The following ADCY10 variants were observed in gnomAD, a reference collection of about 807,000 sequenced individuals.
ADCY10 encodes adenylate cyclase 10.
ADCY10 carries 156 observed loss-of-function variants against 183.3 expected under a neutral mutation model. The ratio of observed to expected loss-of-function variants is 0.85; its 90% CI spans 0.75 to 0.97. The LOEUF (loss-of-function observed/expected upper bound fraction) is 0.97, where lower values mean the gene tolerates loss of function less well. Among genes scored for constraint, ADCY10 ranks in the 50% least tolerant of loss-of-function variants. The probability of loss-of-function intolerance (pLI) is 0.00; values close to 1 mark genes in which losing one functional copy is unlikely to be tolerated. For missense variants in ADCY10, 1,745 were observed against 1,934.3 expected (o/e 0.90, Z 1.84); for synonymous variants, 645 against 670.0 (o/e 0.96, Z 0.58).
chr1:167,902,219 T>C (rs1669482479), intron 3 of ADCY10, among the ~76,000 whole-genome samples, 165 bp from the exon 4 acceptor site: 1 of 152,130 alleles, frequency 6.6e-6, no homozygotes, highest in South Asian at 2.1e-4. Flanking sequence ...CCCATTTGAG[T>C]CTGTTTCCTC....
intron 30 of ADCY10, among the ~76,000 whole-genome samples, chr1:167,819,319 C>T (rs1373374867): frequency 6.8e-6 from 1 of 146,558 alleles, no homozygotes; most frequent in Non-Finnish European, 1.5e-5. Flanking sequence ...GGCACGATCT[C>T]AGCCCACTGC....
At chr1:167,851,462 T>C (rs1485439765) in intron 18 of ADCY10, among the ~76,000 whole-genome samples, 2 of 152,156 alleles carry the variant, frequency 1.3e-5, no homozygotes, top group African/African-American at 2.4e-5. Context: ...ACTGGGATTA[T>C]AGGTGTGGGC....
chr1:167,902,167 A>G (rs1320257063), intron 3 of ADCY10, 113 bp from the exon 4 acceptor site: 10 of 1,053,430 alleles, frequency 9.5e-6, no homozygotes, highest in Non-Finnish European at 1.4e-5. Context: ...GATTCAGAGA[A>G]TAGGCTTATA....
intron 30 of ADCY10, 46 bp from the exon 31 acceptor site, chr1:167,818,313 G>A: frequency 1.3e-6 from 2 of 1,542,496 alleles, no homozygotes; most frequent in Admixed American, 3.3e-5. Flanking sequence ...CACCCATTAG[G>A]AATAGGCTGG....
chr1:167,856,250 C>A lies in ADCY10; in HGVS notation c.2086G>T (p.Val696Phe). The A allele has an allele frequency of 6.2e-7, 1 of 1,613,862 alleles. No individual in the cohort carries two copies. The highest frequency in any genetic ancestry group is 1.7e-5 in the Admixed American group (1 of 59,994). ...TCGTTAGGCTGTACTGCACCAATGA[C>A]AATGTAGGTGGTGTTCCTGTTCTTT... ...VIKNRNTTYI[V>F]IGAVQPNDIS... The change falls in exon 17 of 33, where the codon GTC becomes TTC. Residue 696 changes from valine (V) to phenylalanine (F), a missense_variant. Val to Phe is a conservative substitution (Grantham distance 50). Transcript: ENST00000367851.
At chr1:167,872,776 G>A (rs1158268589) in intron 13 of ADCY10, among the ~76,000 whole-genome samples, 2 of 149,250 alleles carry the variant, frequency 1.3e-5, no homozygotes, top group Non-Finnish European at 3.0e-5. Context: ...ATCAGACTGA[G>A]AAATATACAC....
Position 167,823,001 on chromosome 1 carries a change from C to A in ADCY10, c.4168+7G>T, listed in dbSNP as rs1397879452. The A allele has an allele frequency of 6.2e-7, 1 of 1,613,056 alleles. No individual in the cohort carries two copies. The highest frequency in any genetic ancestry group is 1.3e-5 in the African/African-American group (1 of 75,012). On this transcript the variant is annotated splice_region_variant and intron_variant, in intron 29 of 32. Coordinates refer to ENST00000367851, the MANE Select transcript of ADCY10 (RefSeq NM_018417.6). ...CAAGTTCTTTTACATCCCAAACCCA[C>A]ACTTACCAGAATAAAGCAGGATGTC... is the stretch of plus-strand genomic sequence containing the variant.
chr1:167,870,210 T>A, intron 14 of ADCY10, 47 bp downstream of exon 14: 2 of 1,609,710 alleles, frequency 1.2e-6, no homozygotes, highest in Non-Finnish European at 1.7e-6. Flanking sequence ...TCAAAATAAA[T>A]CAGGATTCTA....
intron 23 of ADCY10, among the ~76,000 whole-genome samples, chr1:167,835,215 C>A (rs1664106040): frequency 6.6e-6 from 1 of 152,146 alleles, no homozygotes; most frequent in South Asian, 2.1e-4. Context: ...CAGCCAGCTG[C>A]TCCATGAAAA....
chr1:167,911,958 G>T (rs746308371), intron 1 of ADCY10, among the ~76,000 whole-genome samples: 10 of 152,200 alleles, frequency 6.6e-5, no homozygotes, highest in Non-Finnish European at 1.3e-4. Context: ...AGAAGAAAAT[G>T]ATAGGTTTAA....
chr1:167,880,699 T>C, intron 9 of ADCY10, 90 bp from the exon 10 acceptor site: 4 of 934,490 alleles, frequency 4.3e-6, no homozygotes, highest in Non-Finnish European at 7.1e-6. Flanking sequence ...CCGGCGGCAA[T>C]TTTTGGCTTC....
chr1:167,817,371 G>T (rs1662596879), intron 31 of ADCY10, among the ~76,000 whole-genome samples: 1 of 152,032 alleles, frequency 6.6e-6, no homozygotes, highest in Non-Finnish European at 1.5e-5. Context: ...TTAAGAAGTG[G>T]GTGTTGTTTT....
intron 3 of ADCY10, 31 bp from the exon 4 acceptor site, chr1:167,902,085 C>G: frequency 6.3e-7 from 1 of 1,593,848 alleles, no homozygotes; most frequent in Non-Finnish European, 8.6e-7. Flanking sequence ...TAAATCAAAC[C>G]CTGATTCCTT....
At chr1:167,849,072 G>A (rs896378770) in intron 18 of ADCY10, among the ~76,000 whole-genome samples, 1 of 151,940 alleles carries the variant, frequency 6.6e-6, no homozygotes, top group Non-Finnish European at 1.5e-5. Context: ...AGGATATAAG[G>A]CTTTACAAAC....
Position 167,878,625 on chromosome 1 carries a change from T to C in ADCY10, c.1227A>G (p.Gln409=), listed in dbSNP as rs1288146432. 6.8e-6 allele frequency: 11 copies of C among 1,613,938 alleles called. No homozygotes were observed. The highest frequency in any genetic ancestry group is 7.6e-6 in the Non-Finnish European group (9 of 1,180,008). The part of the protein sequence containing the change: ...TVRHEYTVIG[Q]KVNLAARMMM... ...TCATCCTGGCAGCTAAGTTGACTTT[T>C]TGACCAATGACTATAGCAAGAAAGA... Residue 409 remains glutamine, a synonymous_variant, in exon 12 of 33, where the codon CAA becomes CAG. Coordinates refer to ENST00000367851, the MANE Select transcript of ADCY10 (RefSeq NM_018417.6).
At chr1:167,861,955 C>T (rs1666318363) in intron 14 of ADCY10, among the ~76,000 whole-genome samples, 1 of 152,198 alleles carries the variant, frequency 6.6e-6, no homozygotes, top group South Asian at 2.1e-4. Flanking sequence ...GTAAGACATG[C>T]CTTGCTTCCC....
chr1:167,816,287 T>A (rs1662525368), intron 31 of ADCY10, among the ~76,000 whole-genome samples: 1 of 152,182 alleles, frequency 6.6e-6, no homozygotes, highest in Admixed American at 6.5e-5. Context: ...GGTTCACACC[T>A]GTAATCCCAG....
intron 7 of ADCY10, 50 bp from the exon 8 acceptor site, chr1:167,893,991 G>C (rs747117560): frequency 7.5e-7 from 1 of 1,342,226 alleles, no homozygotes; most frequent in Non-Finnish European, 1.1e-6. Context: ...GTTTGGCTCT[G>C]CAGTGCTAGT....
At chr1:167,864,347 G>A (rs1267297595) in intron 14 of ADCY10, among the ~76,000 whole-genome samples, 1 of 152,166 alleles carries the variant, frequency 6.6e-6, no homozygotes, top group Non-Finnish European at 1.5e-5. Context: ...TATGACACTA[G>A]AAAAACTTAG....
Sources: gnomAD v4.1 joint callset for allele counts (sites outside exome capture counted in the v4.1 genomes callset) on GRCh38, gnomAD v4.1.1 for gene constraint, MANE v1.5 for transcripts, NCBI Gene and HGNC (gene_info 2026-07-23, HGNC 2026-07-21) for gene names.